The following CSMD1 variants were observed in gnomAD, a reference collection of about 807,000 sequenced individuals.
The protein encoded by CSMD1 is CUB and Sushi multiple domains 1.
A neutral mutation model predicts 417.5 loss-of-function variants in CSMD1; 213 were observed. That is an observed-to-expected ratio of 0.51 (90% CI 0.46 to 0.57). The LOEUF is 0.57. Ranked by LOEUF, CSMD1 falls within the 20% of genes least tolerant of loss-of-function variation. CSMD1 has a pLI of 0.00. For missense variants in CSMD1, 6,923 were observed against 4,529.7 expected (o/e 1.53, Z -15.17); for synonymous variants, 2,862 against 1,736.8 (o/e 1.65, Z -16.11).
At chr8:3,856,160 G>C (rs773698695) in intron 5 of CSMD1, among the ~76,000 whole-genome samples, 30 of 151,982 alleles carry the variant, frequency 2.0e-4, no homozygotes, top group Non-Finnish European at 3.8e-4. Context: ...TGTGGAGGTG[G>C]TTTGTAATGG....
chr8:4,359,691 G>A (rs1455208302), intron 3 of CSMD1, among the ~76,000 whole-genome samples: 1 of 152,184 alleles, frequency 6.6e-6, no homozygotes, highest in Non-Finnish European at 1.5e-5. Flanking sequence ...TCAGCCCTCT[G>A]GGTTTTAGTG....
intron 3 of CSMD1, among the ~76,000 whole-genome samples, chr8:4,280,468 C>G (rs2680601): frequency 0.17 from 25,581 of 152,146 alleles, 2,590 homozygotes; most frequent in South Asian, 0.29. Flanking sequence ...GCATACATCA[C>G]TGTTTCAGTA....
intron 3 of CSMD1, among the ~76,000 whole-genome samples, chr8:4,097,468 T>C (rs1801078207): frequency 6.6e-6 from 1 of 152,214 alleles, no homozygotes; most frequent in African/African-American, 2.4e-5. Context: ...GTTGTAATAA[T>C]TTGTGCCAAT....
chr8:3,025,127 T>C lies in CSMD1; in HGVS notation c.7855+4192A>G, dbSNP rs190946140. The stretch of plus-strand genomic sequence containing the variant: ...GTATTGTGTGGTGTTATTCTGAAAC[T>C]GTGTATTGTGTGGTGTTATTCTGAA... On this transcript the variant is annotated intron_variant, in intron 51 of 69. Coordinates refer to ENST00000635120, the MANE Select transcript of CSMD1 (RefSeq NM_033225.6). Among the ~76,000 whole-genome samples, 1,233 of 147,546 alleles carry C rather than the reference T, an allele frequency of 8.4e-3. 25 individuals are homozygous for C. The highest frequency in any genetic ancestry group is 0.03 in the African/African-American group (1,156 of 38,646).
chr8:3,928,217 G>A (rs1014854846), intron 5 of CSMD1, among the ~76,000 whole-genome samples: 2 of 152,096 alleles, frequency 1.3e-5, no homozygotes, highest in African/African-American at 2.4e-5. Flanking sequence ...AATACTGAAA[G>A]GAAAATAGAA....
chr8:3,534,518 C>CAAAAA (rs566979953), intron 10 of CSMD1, among the ~76,000 whole-genome samples: 1 of 86,558 alleles, frequency 1.2e-5, no homozygotes. Flanking sequence ...TTCTCAATTA[C>CAAAAA]AAAAAAAAAA....
At chr8:4,390,535 A>C (rs1803778524) in intron 3 of CSMD1, among the ~76,000 whole-genome samples, 1 of 15,346 alleles carries the variant, frequency 6.5e-5, no homozygotes. Flanking sequence ...ATTTTTTGAG[A>C]TGGAGTCTTG....
chr8:3,093,987 T>G (rs776069747), intron 47 of CSMD1, among the ~76,000 whole-genome samples: 1 of 152,226 alleles, frequency 6.6e-6, no homozygotes, highest in Non-Finnish European at 1.5e-5. Context: ...TAATGTATAT[T>G]CTGAGATAAA....
intron 37 of CSMD1, among the ~76,000 whole-genome samples, chr8:3,174,442 C>G (rs1351209326): frequency 6.6e-6 from 1 of 152,142 alleles, no homozygotes. Flanking sequence ...CTGAAGTGAG[C>G]TGAGATCATG....
intron 3 of CSMD1, among the ~76,000 whole-genome samples, chr8:4,057,136 G>C (rs1798737787): frequency 6.6e-6 from 1 of 152,176 alleles, no homozygotes; most frequent in South Asian, 2.1e-4. Context: ...GGTTGAACTA[G>C]TTTACAGTCC....
chr8:3,482,229 CAG>C (rs1267217924), intron 11 of CSMD1, among the ~76,000 whole-genome samples: 2 of 152,030 alleles, frequency 1.3e-5, no homozygotes, highest in South Asian at 2.1e-4. Flanking sequence ...ACTGAAATAT[CAG>C]AGAGAGGCAG....
At chr8:3,747,493 G>C (rs1055168019) in intron 6 of CSMD1, among the ~76,000 whole-genome samples, 3 of 131,930 alleles carry the variant, frequency 2.3e-5, no homozygotes, top group Non-Finnish European at 5.1e-5. Flanking sequence ...CAAATCATAC[G>C]TTTGTTTTTT....
At chr8:3,841,593 C>A (rs1207444829) in intron 5 of CSMD1, among the ~76,000 whole-genome samples, 5 of 151,866 alleles carry the variant, frequency 3.3e-5, no homozygotes, top group Non-Finnish European at 5.9e-5. Flanking sequence ...AATATTAGCA[C>A]TAGAAAGGAT....
intron 20 of CSMD1, among the ~76,000 whole-genome samples, chr8:3,365,330 G>C (rs993849901): frequency 1.3e-5 from 2 of 152,174 alleles, no homozygotes; most frequent in Admixed American, 6.5e-5. Flanking sequence ...CAACTAGGTA[G>C]AATTAGAGGG....
At chr8:2,955,950 A>T (rs142207800) in intron 63 of CSMD1, among the ~76,000 whole-genome samples, 182 bp from the exon 64 acceptor site, 168 of 152,054 alleles carry the variant, frequency 1.1e-3, no homozygotes, top group Middle Eastern at 3.4e-3. Context: ...TATGTTGTCC[A>T]GTCTGTGCTA....
At chr8:4,128,001 G>C (rs1802866764) in intron 3 of CSMD1, among the ~76,000 whole-genome samples, 1 of 152,206 alleles carries the variant, frequency 6.6e-6, no homozygotes, top group African/African-American at 2.4e-5. Context: ...AAGGGATGCT[G>C]TCACTTGAGC....
At chr8:4,367,511 C>T (rs974681016) in intron 3 of CSMD1, among the ~76,000 whole-genome samples, 5 of 152,128 alleles carry the variant, frequency 3.3e-5, no homozygotes, top group Admixed American at 2.0e-4. Context: ...CAGCTTTGTT[C>T]CTTTTGCTCA....
At chr8:4,111,937 T>C (rs1801878775) in intron 3 of CSMD1, among the ~76,000 whole-genome samples, 1 of 152,314 alleles carries the variant, frequency 6.6e-6, no homozygotes, top group South Asian at 2.1e-4. Context: ...AAATAAAGTA[T>C]GGCAAAAGCA....
At chr8:3,977,082 T>G (rs746683449) in intron 5 of CSMD1, among the ~76,000 whole-genome samples, 1 of 152,066 alleles carries the variant, frequency 6.6e-6, no homozygotes, top group Non-Finnish European at 1.5e-5. Context: ...TTTAGATTTT[T>G]GCTTCTTTCC....
Sources: gnomAD v4.1 joint callset for allele counts (sites outside exome capture counted in the v4.1 genomes callset) on GRCh38, gnomAD v4.1.1 for gene constraint, MANE v1.5 for transcripts, NCBI Gene and HGNC (gene_info 2026-07-23, HGNC 2026-07-21) for gene names.